Variants in SYNJ2 observed in about 807,000 individuals in gnomAD.
The protein encoded by SYNJ2 is polyphosphatidylinositol phosphatase SYNJ2.
Under a neutral mutation model 141.3 loss-of-function variants are expected in SYNJ2, and 116 were observed. That is an observed-to-expected ratio of 0.82 (90% CI 0.71 to 0.96). The LOEUF is 0.96. Among genes scored for constraint, SYNJ2 ranks in the 40% least tolerant of loss-of-function variants. The pLI is 0.00. For missense variants in SYNJ2, 1,873 were observed against 1,934.8 expected (o/e 0.97, Z 0.60); for synonymous variants, 745 against 777.7 (o/e 0.96, Z 0.70).
At chr6:158,066,146 G>A (rs1354172232) in intron 11 of SYNJ2, among the ~76,000 whole-genome samples, 5 of 152,122 alleles carry the variant, frequency 3.3e-5, no homozygotes, top group Non-Finnish European at 4.4e-5. Flanking sequence ...TTTCCCTGTC[G>A]TGTCTGAGAT....
At chr6:158,052,190 AC>A (rs1780607208) in intron 5 of SYNJ2, among the ~76,000 whole-genome samples, 1 of 152,188 alleles carries the variant, frequency 6.6e-6, no homozygotes, top group Admixed American at 6.5e-5. Flanking sequence ...CAACACTCAA[AC>A]AGAAGCAAAA....
chr6:158,059,631 T>C (rs916748089), intron 7 of SYNJ2: 7 of 1,032,416 alleles, frequency 6.8e-6, no homozygotes, highest in Non-Finnish European at 8.4e-6. Context: ...CTCAGCTCAC[T>C]GCAACCTCTG....
At chr6:157,993,798 T>G (rs898067191) in intron 1 of SYNJ2, among the ~76,000 whole-genome samples, 35 of 6,520 alleles carry the variant, frequency 5.4e-3, no homozygotes, top group African/African-American at 0.041. Flanking sequence ...AATGTGTGGG[T>G]TTTTTTTTTT....
chr6:158,038,074 G>A (rs899570022), intron 4 of SYNJ2, among the ~76,000 whole-genome samples: 20 of 152,166 alleles, frequency 1.3e-4, no homozygotes, highest in Non-Finnish European at 1.6e-4. Flanking sequence ...CTCCCACCTC[G>A]GGCAGCCTGG....
chr6:157,989,645 C>T (rs1380280286), intron 1 of SYNJ2, among the ~76,000 whole-genome samples: 1 of 151,924 alleles, frequency 6.6e-6, no homozygotes, highest in Admixed American at 6.6e-5. Flanking sequence ...GCCCACGCTC[C>T]TGGGGGCAGA....
At chr6:158,076,821 G>A in intron 17 of SYNJ2, 39 bp downstream of exon 17, 14 of 1,577,166 alleles carry the variant, frequency 8.9e-6, no homozygotes, top group East Asian at 2.3e-5. Context: ...GGCAGAGGGT[G>A]AATAAGAAAT....
chr6:158,083,426 C>T lies in SYNJ2; in HGVS notation c.2866-3C>T, dbSNP rs931305137. On this transcript the variant is annotated splice_region_variant and splice_polypyrimidine_tract_variant and intron_variant, in intron 20 of 26. Coordinates refer to ENST00000355585, the MANE Select transcript of SYNJ2 (RefSeq NM_003898.4). ...TTCCTGGGTGGCCGCTCTGCCCTCC[C>T]AGGTGAAAGGCAGAGCAGTGAAGAT... 10 of 1,612,650 alleles carry T rather than the reference C, an allele frequency of 6.2e-6. No individual in the cohort carries two copies. The highest frequency in any genetic ancestry group is 1.3e-5 in the African/African-American group (1 of 74,868).
chr6:158,077,225 C>G lies in SYNJ2; in HGVS notation c.2449+443C>G, dbSNP rs182861629. ...GTCAGGCTGGTCTTGAACTCCCAAC[C>G]TCAGGTGATCTGCCCACCTCGGCCT... On this transcript the variant is annotated intron_variant, in intron 17 of 26. Transcript: ENST00000355585. 1.0e-2 allele frequency among the ~76,000 whole-genome samples: 1,522 copies of G among 152,254 alleles called. 29 individuals carry two copies. Among genetic ancestry groups the G allele is most frequent in the African/African-American group, 0.034 (1,424 of 41,544 alleles).
intron 20 of SYNJ2, among the ~76,000 whole-genome samples, chr6:158,082,753 A>G (rs1198418025): frequency 6.6e-6 from 1 of 152,210 alleles, no homozygotes; most frequent in African/African-American, 2.4e-5. Context: ...AAGCTTAGCC[A>G]TTTTAGAGTG....
intron 20 of SYNJ2, 88 bp downstream of exon 20, chr6:158,081,598 C>G: frequency 2.0e-6 from 1 of 504,098 alleles, no homozygotes; most frequent in Non-Finnish European, 3.4e-6. Flanking sequence ...CTTGCCCTGA[C>G]CTGTGCCTTT....
Position 158,017,250 on chromosome 6 carries a change from G to T in SYNJ2, c.174G>T (p.Thr58=). 6.2e-7 allele frequency: 1 copy of T among 1,613,964 alleles called. No homozygotes were observed. The highest frequency in any genetic ancestry group is 8.5e-7 in the Non-Finnish European group (1 of 1,179,962). ...EVIKGQYGKL[T]DAYGCLGELR... is the part of the protein sequence containing the mutation. Reference sequence around the variant, plus strand: ...TTAAAGGACAGTATGGCAAGCTCACGGACGCGTACGGCTGCCTGGGGGAGC... The same window carrying T: ...TTAAAGGACAGTATGGCAAGCTCACTGACGCGTACGGCTGCCTGGGGGAGC... The change falls in exon 2 of 27, where the codon ACG becomes ACT. Residue 58 remains threonine (T), a synonymous_variant. Transcript: ENST00000355585.
intron 3 of SYNJ2, among the ~76,000 whole-genome samples, chr6:158,029,598 C>T (rs1234444387): frequency 6.6e-6 from 1 of 151,832 alleles, no homozygotes; most frequent in Non-Finnish European, 1.5e-5. Flanking sequence ...AAACCCTGTT[C>T]CATAAGTAAA....
chr6:158,024,461 T>A (rs9459163), intron 2 of SYNJ2, among the ~76,000 whole-genome samples: 57,611 of 151,924 alleles, frequency 0.38, 11,205 homozygotes, highest in Middle Eastern at 0.5. Flanking sequence ...CCTAAAACCA[T>A]CGCCTTGGGT....
intron 6 of SYNJ2, 26 bp downstream of exon 6, chr6:158,055,054 G>A (rs1562362577): frequency 6.2e-7 from 1 of 1,612,012 alleles, no homozygotes; most frequent in Admixed American, 1.7e-5. Context: ...CACCATCCAA[G>A]CCTGTCATTG....
chr6:158,073,404 G>A lies in SYNJ2; in HGVS notation c.2134-1176G>A, dbSNP rs1288984170. On this transcript the variant is annotated intron_variant, in intron 15 of 26. Transcript: ENST00000355585. Reference sequence around the variant, plus strand: ...GTAGAGATGGGGTTTCGCCATGTTGGCCCAGCTGGTCTCGAACTCCTGACA... The same window carrying A: ...GTAGAGATGGGGTTTCGCCATGTTGACCCAGCTGGTCTCGAACTCCTGACA... Among the ~76,000 whole-genome samples, 4 of 151,894 alleles carry A rather than the reference G, an allele frequency of 2.6e-5. No homozygotes were observed. The East Asian group carries it at 7.8e-4, about 30-fold the overall frequency.
At chr6:157,993,794 T>G (rs13198209) in intron 1 of SYNJ2, among the ~76,000 whole-genome samples, 1 of 96,546 alleles carries the variant, frequency 1.0e-5, no homozygotes. Flanking sequence ...TGGAAATGTG[T>G]GGGTTTTTTT....
Position 158,071,467 on chromosome 6 carries a change from C to T in SYNJ2, c.1941-135C>T, listed in dbSNP as rs921722929. On this transcript the variant is annotated intron_variant, in intron 14 of 26. Transcript: ENST00000355585. The surrounding 1 kb of genome is among the most constrained non-coding windows in gnomAD (Gnocchi z 4.3). ...AGGAGTCGATGACGGCCACGGTGGC[C>T]ACTGTGTTGAGCTGATGATTTTGGA... 4.6e-5 allele frequency: 46 copies of T among 1,003,788 alleles called. No individual in the cohort carries two copies. Among genetic ancestry groups the T allele is most frequent in the Non-Finnish European group, 6.1e-5 (43 of 700,248 alleles). 62.2% of individuals were successfully genotyped at this position (1,003,788 alleles called of 1,614,324 possible).
chr6:158,007,985 T>G (rs1284495527), intron 1 of SYNJ2, among the ~76,000 whole-genome samples: 1 of 152,120 alleles, frequency 6.6e-6, no homozygotes, highest in Non-Finnish European at 1.5e-5. Flanking sequence ...AGGGATGGAG[T>G]CTCACTGTGT....
intron 1 of SYNJ2, among the ~76,000 whole-genome samples, chr6:157,999,156 C>A (rs1262553551): frequency 6.6e-6 from 1 of 152,238 alleles, no homozygotes; most frequent in Non-Finnish European, 1.5e-5. Flanking sequence ...GAGCAATTCT[C>A]CAAAGGAAAA....
Sources: allele counts gnomAD v4.1 joint callset (sites outside exome capture counted in the v4.1 genomes callset), GRCh38; gene constraint gnomAD v4.1.1; non-coding constraint Gnocchi (gnomAD v3.1); transcripts MANE v1.5; gene names NCBI Gene and HGNC (gene_info 2026-07-23, HGNC 2026-07-21).